JAKMIP1: variants seen among roughly 807,000 people sequenced by gnomAD.
JAKMIP1 encodes janus kinase and microtubule-interacting protein 1.
JAKMIP1 carries 33 observed loss-of-function variants against 113.0 expected under a neutral mutation model. The ratio of observed to expected loss-of-function variants is 0.29; its 90% CI spans 0.22 to 0.39. The LOEUF (loss-of-function observed/expected upper bound fraction) is 0.39. Ranked by LOEUF, JAKMIP1 falls within the 10% of genes least tolerant of loss-of-function variation. The probability of loss-of-function intolerance (pLI) is 1.00; values close to 1 mark genes in which losing one functional copy is unlikely to be tolerated. For missense variants in JAKMIP1, 813 were observed against 1,080.5 expected (o/e 0.75, Z 3.47); for synonymous variants, 480 against 459.9 (o/e 1.04, Z -0.56).
At chr4:6,132,654 A>AAT (rs1553848587) in intron 1 of JAKMIP1, among the ~76,000 whole-genome samples, 1 of 151,048 alleles carries the variant, frequency 6.6e-6, no homozygotes, top group East Asian at 1.9e-4. Context: ...AAATAAAAAA[A>AAT]AAAAAAAAGA....
At position 6,062,453 on chromosome 4, in the gene JAKMIP1, GA is replaced by G; in HGVS notation, c.1432-14del. ...CTCGGGCTGTGGCCTTCACATAATG[GA>G]GAAGAAAACAAATAATCAAGTGCAA... is the stretch of plus-strand genomic sequence containing the variant. On this transcript the variant is annotated splice_polypyrimidine_tract_variant and intron_variant, in intron 9 of 20. Transcript: ENST00000409021. 8 of 1,604,944 alleles carry G rather than the reference GA, an allele frequency of 5.0e-6. No homozygotes were observed. Among genetic ancestry groups the G allele is most frequent in the Non-Finnish European group, 6.0e-6 (7 of 1,174,810 alleles).
chr4:6,027,394 T>G (rs1161135048), intron 20 of JAKMIP1, among the ~76,000 whole-genome samples: 2 of 152,198 alleles, frequency 1.3e-5, no homozygotes, highest in Non-Finnish European at 2.9e-5. Context: ...GCCCTTCATC[T>G]TCCACATGGG....
At chr4:6,045,262 G>A (rs991541025) in intron 16 of JAKMIP1, among the ~76,000 whole-genome samples, 6 of 152,184 alleles carry the variant, frequency 3.9e-5, no homozygotes, top group African/African-American at 7.2e-5. Context: ...TCTTTTTCTC[G>A]ATCCACTTTG....
chr4:6,066,622 G>A (rs934232132), intron 8 of JAKMIP1, among the ~76,000 whole-genome samples: 3 of 152,072 alleles, frequency 2.0e-5, no homozygotes, highest in African/African-American at 7.2e-5. Flanking sequence ...CAGTTGCCCA[G>A]GCCCCAATCC....
Position 6,141,329 on chromosome 4 carries a change from G to T in JAKMIP1, c.-147-28332C>A, listed in dbSNP as rs1217217664. ...CGCGCATCTGTAATCCCAGCTACTTGACAGGCTGAGGCAGGAGAATTGCTT... is the reference window on the plus strand; with the variant it reads ...CGCGCATCTGTAATCCCAGCTACTTTACAGGCTGAGGCAGGAGAATTGCTT... On this transcript the variant is annotated intron_variant, in intron 1 of 20. Coordinates refer to ENST00000409021, the MANE Select transcript of JAKMIP1 (RefSeq NM_001099433.2). The surrounding 1 kb of genome is among the most constrained non-coding windows in gnomAD (Gnocchi z 9.4). Among the ~76,000 whole-genome samples, 1 of 151,834 alleles carries T rather than the reference G, an allele frequency of 6.6e-6. No homozygotes were observed. The highest frequency in any genetic ancestry group is 1.5e-5 in the Non-Finnish European group (1 of 68,024).
intron 16 of JAKMIP1, among the ~76,000 whole-genome samples, chr4:6,047,287 C>T (rs147103819): frequency 2.0e-5 from 3 of 152,386 alleles, no homozygotes; most frequent in East Asian, 1.9e-4. Context: ...CACTAAGATG[C>T]TCTTTCTCAG....
rs181146897 is a variant in JAKMIP1, at chr4:6,049,619, A to T, written c.1962+200T>A. ...CCTCCTCACTCAACAGGCCAGGGGA[A>T]TCTAACTTCGGAACCCCACTTCTGA... On this transcript the variant is annotated intron_variant, in intron 15 of 20. Coordinates refer to ENST00000409021, the MANE Select transcript of JAKMIP1 (RefSeq NM_001099433.2). The surrounding 1 kb of genome is among the most constrained non-coding windows in gnomAD (Gnocchi z 7.0). 1.3e-5 allele frequency among the ~76,000 whole-genome samples: 2 copies of T among 152,062 alleles called. No individual in the cohort carries two copies. Among genetic ancestry groups the T allele is most frequent in the African/African-American group, 4.8e-5 (2 of 41,392 alleles).
rs1388180939 is a variant in JAKMIP1, at chr4:6,086,586, A to C, written c.625-957T>G. Among the ~76,000 whole-genome samples the C allele has an allele frequency of 6.6e-6, 1 of 152,070 alleles. No homozygotes were observed. Among genetic ancestry groups the C allele is most frequent in the East Asian group, 1.9e-4 (1 of 5,160 alleles). On this transcript the variant is annotated intron_variant, in intron 3 of 20. Transcript: ENST00000409021. This position sits in a 1 kb window ranked among gnomAD's most constrained non-coding sequence, Gnocchi z 4.1. Reference sequence around the variant, plus strand: ...GACAGTGAGGAACCACACCAAAAAAAGTATGCAGAGGAAGTGTCAGCCCCA... The same window carrying C: ...GACAGTGAGGAACCACACCAAAAAACGTATGCAGAGGAAGTGTCAGCCCCA...
At chr4:6,091,149 G>T (rs1165067929) in intron 3 of JAKMIP1, among the ~76,000 whole-genome samples, 1 of 152,238 alleles carries the variant, frequency 6.6e-6, no homozygotes, top group Non-Finnish European at 1.5e-5. Flanking sequence ...ATCAGACAGG[G>T]TGTGGGTGAA....
Position 6,184,353 on chromosome 4 carries a change from G to A in JAKMIP1, c.-148+15900C>T, listed in dbSNP as rs891708244. ...GGAAGGGGGCATGCCTCGAACACAC[G>A]CCTCCCTACTCCCAGCCCACTGCTG... On this transcript the variant is annotated intron_variant, in intron 1 of 20. Transcript: ENST00000409021. This position sits in a 1 kb window ranked among gnomAD's most constrained non-coding sequence, Gnocchi z 4.5. 5.3e-5 allele frequency among the ~76,000 whole-genome samples: 8 copies of A among 152,082 alleles called. No individual in the cohort carries two copies. Among genetic ancestry groups the A allele is most frequent in the East Asian group, 1.9e-4 (1 of 5,172 alleles).
rs74709737 is a variant in JAKMIP1 at position 6,156,422 on chromosome 4, G to A, written c.-147-43425C>T. 0.024 allele frequency among the ~76,000 whole-genome samples: 3,638 copies of A among 152,216 alleles called. 157 individuals are homozygous for A. The highest frequency in any genetic ancestry group is 0.083 in the African/African-American group (3,446 of 41,516). ...CAGCAGCTTAGATTTAATAAAATAC[G>A]GTACCTAACAGAGTCCAGAATTCTG... On this transcript the variant is annotated intron_variant, in intron 1 of 20. Transcript: ENST00000409021. This position sits in a 1 kb window ranked among gnomAD's most constrained non-coding sequence, Gnocchi z 5.0.
In JAKMIP1 at chr4:6,139,473, A is replaced by G. The variant is rs1176784646; in HGVS notation, c.-147-26476T>C. The stretch of plus-strand genomic sequence containing the variant: ...ACCAATATGATGGGTGTTCCTACAA[A>G]AAGAAGAAATGGGGCTGGTCGTGGT... On this transcript the variant is annotated intron_variant, in intron 1 of 20. Coordinates refer to ENST00000409021, the MANE Select transcript of JAKMIP1 (RefSeq NM_001099433.2). This position sits in a 1 kb window ranked among gnomAD's most constrained non-coding sequence, Gnocchi z 5.2. Among the ~76,000 whole-genome samples, 3 of 152,116 alleles carry G rather than the reference A, an allele frequency of 2.0e-5. No individual in the cohort carries two copies. Among genetic ancestry groups the G allele is most frequent in the African/African-American group, 7.3e-5 (3 of 41,372 alleles).
chr4:6,095,439 T>G (rs1711576214), intron 3 of JAKMIP1, among the ~76,000 whole-genome samples: 1 of 152,152 alleles, frequency 6.6e-6, no homozygotes, highest in South Asian at 2.1e-4. Flanking sequence ...CCCCATGATG[T>G]CAGGATCCAG....
At chr4:6,085,876 A>G (rs192347646) in intron 3 of JAKMIP1, among the ~76,000 whole-genome samples, 82 of 152,346 alleles carry the variant, frequency 5.4e-4, no homozygotes, top group Non-Finnish European at 8.8e-5. Context: ...CCTGACATGC[A>G]TACTGACATC....
At position 6,154,187 on chromosome 4, in the gene JAKMIP1, C is replaced by T. The variant is rs1326720455; in HGVS notation, c.-147-41190G>A. 6.6e-6 allele frequency among the ~76,000 whole-genome samples: 1 copy of T among 152,174 alleles called. No individual in the cohort carries two copies. Among genetic ancestry groups the T allele is most frequent in the African/African-American group, 2.4e-5 (1 of 41,430 alleles). The stretch of plus-strand genomic sequence containing the variant: ...GACCCTCGCAGGAGGGAAGACAGAG[C>T]GGAGCTGGACACAGGCGGAGGCTGA... On this transcript the variant is annotated intron_variant, in intron 1 of 20. Transcript: ENST00000409021. The surrounding 1 kb of genome is among the most constrained non-coding windows in gnomAD (Gnocchi z 4.2).
Position 6,108,745 on chromosome 4 carries a change from T to C in JAKMIP1, c.130-2778A>G, listed in dbSNP as rs183425935. On this transcript the variant is annotated intron_variant, in intron 2 of 20. Transcript: ENST00000409021. This position sits in a 1 kb window ranked among gnomAD's most constrained non-coding sequence, Gnocchi z 5.6. ...TATAGTGTTGAACAAAGAAAGTGGA[T>C]GGCAGAGGGGGAAGCCAGGTTTCCC... Among the ~76,000 whole-genome samples, 19 of 152,318 alleles carry C rather than the reference T, an allele frequency of 1.2e-4. No individual in the cohort carries two copies. Among genetic ancestry groups the C allele is most frequent in the African/African-American group, 2.9e-4 (12 of 41,578 alleles).
rs1283070437 is a variant in JAKMIP1 at position 6,140,475 on chromosome 4, G to C, written c.-147-27478C>G. On this transcript the variant is annotated intron_variant, in intron 1 of 20. Transcript: ENST00000409021. The surrounding 1 kb of genome is among the most constrained non-coding windows in gnomAD (Gnocchi z 9.4). ...CCTGCTTCATCAACACTGGGGGTCA[G>C]TGATTCGTGGTCCCCCCGATCAGCT... Among the ~76,000 whole-genome samples, 1 of 152,076 alleles carries C rather than the reference G, an allele frequency of 6.6e-6. No individual in the cohort carries two copies. Among genetic ancestry groups the C allele is most frequent in the Non-Finnish European group, 1.5e-5 (1 of 68,026 alleles).
chr4:6,177,150 G>T (rs1725434877), intron 1 of JAKMIP1, among the ~76,000 whole-genome samples: 1 of 152,214 alleles, frequency 6.6e-6, no homozygotes, highest in South Asian at 2.1e-4. Flanking sequence ...GCTTCGGGTA[G>T]GAGGGTGTTG....
rs111391477 is a variant in JAKMIP1, at chr4:6,076,401, T to TTATATA, written c.1302+2532_1302+2537dup. Among the ~76,000 whole-genome samples the TTATATA allele has an allele frequency of 8.0e-5, 12 of 150,636 alleles. No homozygotes were observed. In the East Asian group the frequency reaches 1.6e-3, roughly 20 times the overall value. ...TAATTTTTCTCTGAGTTTTTCTATA[T>TTATATA]TATATATATATATGTCTTCTGTAGC... On this transcript the variant is annotated intron_variant, in intron 8 of 20. Transcript: ENST00000409021. The surrounding 1 kb of genome is among the most constrained non-coding windows in gnomAD (Gnocchi z 4.8).
Sources: gnomAD v4.1 joint callset for allele counts (sites outside exome capture counted in the v4.1 genomes callset) on GRCh38, gnomAD v4.1.1 for gene constraint, Gnocchi (gnomAD v3.1) non-coding constraint, MANE v1.5 for transcripts, NCBI Gene and HGNC (gene_info 2026-07-23, HGNC 2026-07-21) for gene names.